DZANK1: variants seen among roughly 807,000 people sequenced by gnomAD.
The protein encoded by DZANK1 is double zinc ribbon and ankyrin repeat-containing protein 1.
Under a neutral mutation model 94.5 loss-of-function variants are expected in DZANK1, and 91 were observed. That is an observed-to-expected ratio of 0.96 (90% CI 0.81 to 1.15). DZANK1 has a LOEUF of 1.15. Ranked by LOEUF, DZANK1 falls within the 50% of genes most tolerant of loss-of-function variation. The pLI is 0.00. For synonymous variants in DZANK1, 312 were observed against 325.3 expected, an observed-to-expected ratio of 0.96 and a Z score of 0.44; for missense variants, 903 against 916.4, an observed-to-expected ratio of 0.99 and a Z score of 0.19.
At chr20:18,460,653 C>T (rs576812063) in intron 2 of DZANK1, among the ~76,000 whole-genome samples, 8 of 151,862 alleles carry the variant, frequency 5.3e-5, no homozygotes, top group Middle Eastern at 3.2e-3. Context: ...TGCCAGAAAC[C>T]GGGACGCAGA....
intron 10 of DZANK1, among the ~76,000 whole-genome samples, chr20:18,425,768 A>C (rs551698087): frequency 6.6e-6 from 1 of 152,320 alleles, no homozygotes; most frequent in South Asian, 2.1e-4. Context: ...AAATCTGGAC[A>C]CAGTGGCATA....
chr20:18,387,446 C>T (rs982512892), intron 19 of DZANK1, among the ~76,000 whole-genome samples: 1 of 152,204 alleles, frequency 6.6e-6, no homozygotes, highest in African/African-American at 2.4e-5. Context: ...TGTACATTCT[C>T]TCCTTAAATT....
chr20:18,394,025 C>T (rs112315192), intron 16 of DZANK1, among the ~76,000 whole-genome samples: 5 of 152,242 alleles, frequency 3.3e-5, no homozygotes, highest in African/African-American at 4.8e-5. Context: ...AGAGGGACTT[C>T]GGTTTTTAGG....
intron 9 of DZANK1, among the ~76,000 whole-genome samples, chr20:18,430,145 A>C (rs1030394613): frequency 6.6e-6 from 1 of 152,236 alleles, no homozygotes. Context: ...TTTAAGTGAC[A>C]CAATTAAAAA....
intron 7 of DZANK1, among the ~76,000 whole-genome samples, chr20:18,448,473 C>T (rs1465990137): frequency 6.6e-6 from 1 of 152,064 alleles, no homozygotes; most frequent in Non-Finnish European, 1.5e-5. Context: ...GTGACAGTGT[C>T]ATGGTTACAT....
At chr20:18,414,923 C>A (rs746931747) in intron 11 of DZANK1, among the ~76,000 whole-genome samples, 2 of 152,218 alleles carry the variant, frequency 1.3e-5, no homozygotes, top group Non-Finnish European at 2.9e-5. Context: ...AGAACTGGAT[C>A]TGAGCAATTG....
chr20:18,412,562 C>A, intron 13 of DZANK1, 84 bp downstream of exon 13: 1 of 1,367,062 alleles, frequency 7.3e-7, no homozygotes, highest in East Asian at 2.3e-5. Context: ...ACAAATAAAT[C>A]TAAAAGGAAG....
chr20:18,444,334 T>C (rs1334394203), intron 7 of DZANK1, among the ~76,000 whole-genome samples: 1 of 152,242 alleles, frequency 6.6e-6, no homozygotes, highest in African/African-American at 2.4e-5. Context: ...CCCTCTTTTC[T>C]ATGCTTAAAG....
At chr20:18,419,178 C>T (rs2057643414) in intron 10 of DZANK1, among the ~76,000 whole-genome samples, 1 of 150,956 alleles carries the variant, frequency 6.6e-6, no homozygotes, top group Non-Finnish European at 1.5e-5. Flanking sequence ...AGGAGAATCG[C>T]TTGAACCTGG....
At chr20:18,386,470 A>G (rs1221624193) in intron 19 of DZANK1, among the ~76,000 whole-genome samples, 1 of 152,262 alleles carries the variant, frequency 6.6e-6, no homozygotes, top group Admixed American at 6.5e-5. Context: ...TATCTGCAGA[A>G]TGAGTCAAGA....
chr20:18,399,757 C>T (rs1250436323), intron 13 of DZANK1, among the ~76,000 whole-genome samples: 1 of 152,206 alleles, frequency 6.6e-6, no homozygotes, highest in Non-Finnish European at 1.5e-5. Flanking sequence ...GGGCACTGGG[C>T]TCACCTTCCC....
At chr20:18,453,277 T>C (rs1283982287) in intron 5 of DZANK1, among the ~76,000 whole-genome samples, 2 of 152,196 alleles carry the variant, frequency 1.3e-5, no homozygotes, top group Admixed American at 1.3e-4. Context: ...CTGAACACAG[T>C]GTTCCCCATG....
intron 19 of DZANK1, among the ~76,000 whole-genome samples, chr20:18,386,583 G>A (rs545630586): frequency 6.6e-6 from 1 of 152,216 alleles, no homozygotes; most frequent in African/African-American, 2.4e-5. Context: ...GGACAACAAA[G>A]TTAGGAAAAT....
At position 18,389,904 on chromosome 20, in the gene DZANK1, A is replaced by G. The variant is rs1019542507; in HGVS notation, c.1891-76T>C. 27 of 1,585,004 alleles carry G rather than the reference A, an allele frequency of 1.7e-5. No homozygotes were observed. The African/African-American group carries it at 1.9e-4, about 11-fold the overall frequency. ...GCATCCAGTCGCCATCCTATGAAGT[A>G]TAACAGATGTCCTTTACAGAGCTGA... On this transcript the variant is annotated intron_variant, in intron 18 of 20. Coordinates refer to ENST00000262547, the Ensembl canonical transcript of DZANK1.
rs140335517 is a variant in DZANK1 at position 18,412,549 on chromosome 20, C to T, written c.1432+97G>A. 1.3e-3 allele frequency: 1,585 copies of T among 1,239,808 alleles called. 13 individuals are homozygous for T. The African/African-American group carries it at 0.019, about 15-fold the overall frequency. 76.8% of individuals were successfully genotyped at this position (1,239,808 alleles called of 1,614,324 possible). On this transcript the variant is annotated intron_variant, in intron 13 of 20. Coordinates refer to ENST00000262547, the Ensembl canonical transcript of DZANK1. ...AAAAGAAAGAAACTTACTTCTTACA[C>T]ATACAAATAAATCTAAAAGGAAGAG...
intron 14 of DZANK1, 50 bp from the exon 15 acceptor site, chr20:18,396,596 T>A (rs1316344926): frequency 2.2e-6 from 3 of 1,340,496 alleles, no homozygotes; most frequent in Non-Finnish European, 2.1e-6. Flanking sequence ...GTGGGACTCA[T>A]TGCCTTAAGT....
intron 13 of DZANK1, among the ~76,000 whole-genome samples, chr20:18,401,755 C>T (rs571859161): frequency 6.6e-6 from 1 of 152,220 alleles, no homozygotes; most frequent in Non-Finnish European, 1.5e-5. Context: ...GTAATCTATA[C>T]TGAACTTCTT....
At chr20:18,430,641 C>A (rs1490877902) in intron 9 of DZANK1, among the ~76,000 whole-genome samples, 4 of 152,000 alleles carry the variant, frequency 2.6e-5, no homozygotes, top group African/African-American at 9.7e-5. Context: ...AAGGTGAAAC[C>A]CCATCTCTAC....
At chr20:18,405,917 C>G (rs1418422936) in intron 13 of DZANK1, among the ~76,000 whole-genome samples, 1 of 152,230 alleles carries the variant, frequency 6.6e-6, no homozygotes, top group African/African-American at 2.4e-5. Flanking sequence ...GGACTGTACA[C>G]TGAACTCGGT....
Sources: allele counts gnomAD v4.1 joint callset (sites outside exome capture counted in the v4.1 genomes callset), GRCh38; gene constraint gnomAD v4.1.1; transcripts MANE v1.5; gene names NCBI Gene and HGNC (gene_info 2026-07-23, HGNC 2026-07-21).